Variants in MAP2 observed in about 807,000 individuals in gnomAD.
The protein encoded by MAP2 is microtubule associated protein 2, also known as microtubule-associated protein 2.
MAP2 carries 14 observed loss-of-function variants against 137.6 expected under a neutral mutation model. That is an observed-to-expected ratio of 0.10 (90% CI 0.07 to 0.16). The LOEUF is 0.16. MAP2 is among the 10% of genes least tolerant of loss of function. The pLI, the probability that MAP2 is intolerant of heterozygous loss-of-function variation, is 1.00. For synonymous variants in MAP2, 786 were observed against 782.3 expected (o/e 1.00, Z -0.08); for missense variants, 2,088 against 2,191.5 (o/e 0.95, Z 0.94).
In MAP2 at chr2:209,696,995, C is replaced by T. The variant is rs751266655; in HGVS notation, c.4466C>T (p.Pro1489Leu). ...CCCTCCAGGAAATTCATTTTAAAAC[C>T]TGCTATCAAATATACTAGACCAACT... ...HSPSRKFILK[P>L]AIKYTRPTHL... Residue 1489 changes from proline to leucine, a missense_variant, in exon 10 of 16, where the codon CCT (proline) becomes CTT (leucine). By Grantham distance (98) the Pro-to-Leu change is moderately conservative. Transcript: ENST00000682079. 5.0e-6 allele frequency: 8 copies of T among 1,613,338 alleles called. No individual in the cohort carries two copies. The highest frequency in any genetic ancestry group is 1.1e-5 in the South Asian group (1 of 90,966).
At chr2:209,574,072 T>A (rs2074894259) in intron 2 of MAP2, among the ~76,000 whole-genome samples, 1 of 152,142 alleles carries the variant, frequency 6.6e-6, no homozygotes, top group African/African-American at 2.4e-5. Context: ...GGGTACCATG[T>A]GATGTTTATT....
At chr2:209,469,830 G>A (rs1365423535) in intron 1 of MAP2, among the ~76,000 whole-genome samples, 1 of 152,162 alleles carries the variant, frequency 6.6e-6, no homozygotes, top group Admixed American at 6.5e-5. Context: ...TTGAGTTCTA[G>A]CATTGCCACT....
At chr2:209,522,918 C>T (rs1232718112) in intron 2 of MAP2, among the ~76,000 whole-genome samples, 1 of 152,016 alleles carries the variant, frequency 6.6e-6, no homozygotes, top group African/African-American at 2.4e-5. Context: ...AGTTGTGACT[C>T]TAATAAATTT....
Position 209,692,936 on chromosome 2 carries a change from C to T in MAP2, c.766C>T (p.Pro256Ser). The T allele has an allele frequency of 6.2e-7, 1 of 1,614,046 alleles. No individual in the cohort carries two copies. The highest frequency in any genetic ancestry group is 1.7e-5 in the Admixed American group (1 of 60,002). The change falls in exon 8 of 16, where the codon CCT becomes TCT. Residue 256 changes from proline to serine, a missense_variant. By Grantham distance (74) the Pro-to-Ser change is moderately conservative (BLOSUM62 -1). This residue lies in a region of MAP2 where 859 missense variants were observed against 794.5 expected (regional missense o/e 1.08). Transcript: ENST00000682079. ...ACCTGGCATTGACCTCCCTAAAGAGCCTCCAACTCCAAAAGAACAAAAGGA... is the reference window on the plus strand; with the variant it reads ...ACCTGGCATTGACCTCCCTAAAGAGTCTCCAACTCCAAAAGAACAAAAGGA... The part of the protein sequence containing the change: ...VVPGIDLPKE[P>S]PTPKEQKDWF...
intron 3 of MAP2, among the ~76,000 whole-genome samples, chr2:209,610,692 T>C (rs968410331): frequency 6.6e-6 from 1 of 152,260 alleles, no homozygotes; most frequent in African/African-American, 2.4e-5. Flanking sequence ...TCCTACGGAA[T>C]AAGCAATCAT....
intron 1 of MAP2, among the ~76,000 whole-genome samples, chr2:209,434,966 TCAA>T (rs1695549406): frequency 6.9e-6 from 1 of 144,668 alleles, no homozygotes; most frequent in Middle Eastern, 3.6e-3. Context: ...ATAAAGCAAA[TCAA>T]CAAATAATTC....
At chr2:209,506,443 T>C (rs947185510) in intron 1 of MAP2, among the ~76,000 whole-genome samples, 16 of 152,174 alleles carry the variant, frequency 1.1e-4, no homozygotes, top group Non-Finnish European at 2.2e-4. Context: ...GAAGAACATA[T>C]GCTGTTTTCT....
chr2:209,581,201 A>G, intron 3 of MAP2, among the ~76,000 whole-genome samples: 1 of 152,124 alleles, frequency 6.6e-6, no homozygotes, highest in South Asian at 2.1e-4. Flanking sequence ...GAGAACCTTA[A>G]TTTATTCATT....
chr2:209,530,899 G>C (rs1213189583), intron 2 of MAP2, among the ~76,000 whole-genome samples: 1 of 152,074 alleles, frequency 6.6e-6, no homozygotes, highest in Non-Finnish European at 1.5e-5. Flanking sequence ...CTGTTTCCTA[G>C]TTGCTTCTCA....
intron 2 of MAP2, among the ~76,000 whole-genome samples, chr2:209,558,598 G>A (rs762218979): frequency 3.3e-5 from 5 of 150,948 alleles, no homozygotes; most frequent in Non-Finnish European, 7.4e-5. Flanking sequence ...TGTTATCAGA[G>A]CCAAGAAATT....
At chr2:209,527,254 T>C (rs956097156) in intron 2 of MAP2, among the ~76,000 whole-genome samples, 9 of 152,180 alleles carry the variant, frequency 5.9e-5, no homozygotes, top group Non-Finnish European at 1.0e-4. Context: ...AGCATTTCTA[T>C]ATTACTGATA....
intron 2 of MAP2, among the ~76,000 whole-genome samples, chr2:209,539,561 C>A (rs1408949732): frequency 1.3e-5 from 2 of 152,182 alleles, no homozygotes; most frequent in African/African-American, 4.8e-5. Context: ...AATGACTATT[C>A]TCTAAAGAAT....
chr2:209,480,615 A>G (rs1405580679), intron 1 of MAP2, among the ~76,000 whole-genome samples: 1 of 152,180 alleles, frequency 6.6e-6, no homozygotes, highest in African/African-American at 2.4e-5. Flanking sequence ...TTTGCCAAAC[A>G]TGATGCTGCT....
At chr2:209,565,205 A>G (rs141452971) in intron 2 of MAP2, among the ~76,000 whole-genome samples, 1 of 152,216 alleles carries the variant, frequency 6.6e-6, no homozygotes, top group Non-Finnish European at 1.5e-5. Flanking sequence ...TGCAAACTCA[A>G]TGGAAAATTT....
At chr2:209,593,286 T>C (rs2079793468) in intron 3 of MAP2, among the ~76,000 whole-genome samples, 1 of 152,002 alleles carries the variant, frequency 6.6e-6, no homozygotes. Context: ...TTGTTATTGT[T>C]TGTGCTGCTT....
intron 5 of MAP2, among the ~76,000 whole-genome samples, chr2:209,671,901 G>A (rs1458750711): frequency 1.3e-5 from 2 of 151,750 alleles, no homozygotes; most frequent in Non-Finnish European, 1.5e-5. Flanking sequence ...CACCAACAAT[G>A]TTACATATCA....
At chr2:209,711,868 C>A (rs978516492) in intron 13 of MAP2, among the ~76,000 whole-genome samples, 1 of 152,024 alleles carries the variant, frequency 6.6e-6, no homozygotes, top group East Asian at 1.9e-4. Context: ...AATAAATATT[C>A]CCATGTCCTG....
chr2:209,591,348 G>A (rs1579496137), intron 3 of MAP2, among the ~76,000 whole-genome samples: 1 of 152,140 alleles, frequency 6.6e-6, no homozygotes, highest in Non-Finnish European at 1.5e-5. Flanking sequence ...CTCCTACAGT[G>A]AACAGCTTTC....
chr2:209,495,431 G>A (rs968926725), intron 1 of MAP2, among the ~76,000 whole-genome samples: 3 of 152,258 alleles, frequency 2.0e-5, no homozygotes, highest in Non-Finnish European at 4.4e-5. Context: ...TCTCATACGG[G>A]AGAGCTCCGG....
Sources: allele counts gnomAD v4.1 joint callset (sites outside exome capture counted in the v4.1 genomes callset), GRCh38; gene constraint gnomAD v4.1.1; regional missense constraint gnomAD v4.1.1; transcripts MANE v1.5; gene names NCBI Gene and HGNC (gene_info 2026-07-23, HGNC 2026-07-21).